Variants in ERCC6L observed in about 807,000 individuals in gnomAD.
ERCC6L encodes DNA excision repair protein ERCC-6-like.
ERCC6L carries 7 observed loss-of-function variants against 20.1 expected under a neutral mutation model. The observed-to-expected ratio is 0.35, with a 90% CI of 0.20 to 0.65. The LOEUF is 0.65. ERCC6L is among the 30% of genes least tolerant of loss of function. The pLI is 0.69. For missense variants in ERCC6L, 592 were observed against 892.4 expected, an observed-to-expected ratio of 0.66 and a Z score of 4.29; for synonymous variants, 278 against 331.3, an observed-to-expected ratio of 0.84 and a Z score of 1.75.
chrX:72,232,416 CA>C (rs11302655), intron 1 of ERCC6L, among the ~76,000 whole-genome samples: 13,360 of 34,884 alleles, frequency 0.38, 1,674 homozygotes, highest in East Asian at 0.84. Context: ...AGACCTGCCT[CA>C]AAAAAAAAAA....
At chrX:72,223,400 C>T (rs375726424) in intron 1 of ERCC6L, among the ~76,000 whole-genome samples, 4 of 104,670 alleles carry the variant, frequency 3.8e-5, no homozygotes, top group African/African-American at 1.4e-4. Context: ...CTCCTAAATG[C>T]GGCCTTTGGA....
intron 1 of ERCC6L, among the ~76,000 whole-genome samples, chrX:72,226,416 T>C (rs1210589277): frequency 1.8e-5 from 2 of 112,164 alleles, no homozygotes; most frequent in African/African-American, 6.5e-5. Context: ...TTATTTGCCC[T>C]AATAAGAGCA....
chrX:72,219,805 C>T (rs775035216), intron 1 of ERCC6L, among the ~76,000 whole-genome samples: 57 of 106,178 alleles, frequency 5.4e-4, no homozygotes, highest in Middle Eastern at 4.7e-3. Flanking sequence ...GTCAAGGTTG[C>T]GCCACTGCAC....
intron 1 of ERCC6L, among the ~76,000 whole-genome samples, chrX:72,229,751 C>A (rs2042972943): frequency 9.0e-6 from 1 of 111,698 alleles, no homozygotes; most frequent in Admixed American, 9.6e-5. Flanking sequence ...GAAGGGCCAT[C>A]CATGTCATTC....
In ERCC6L at chrX:72,208,273, A is replaced by G. The variant is rs1318679855; in HGVS notation, c.494T>C (p.Ile165Thr). 1 of 1,211,883 alleles carries G rather than the reference A, an allele frequency of 8.3e-7. No homozygotes were observed. Among genetic ancestry groups the G allele is most frequent in the Non-Finnish European group, 1.1e-6 (1 of 895,546 alleles). The change falls in exon 2 of 2, where the codon ATC (isoleucine) becomes ACC (threonine). Residue 165 changes from isoleucine to threonine, a missense_variant. This residue lies in a region of ERCC6L where 196 missense variants were observed against 440.1 expected (regional missense o/e 0.45). Transcript: ENST00000334463. ...GACTCTCATTCCTGGAGTCCACTTG[A>G]TGAATTCTTTTACCCATGTGTTAAT... is the stretch of plus-strand genomic sequence containing the variant. Reference protein sequence around the residue: ...NLINTWVKEFIKWTPGMRVKT... With the variant: ...NLINTWVKEFTKWTPGMRVKT...
intron 1 of ERCC6L, among the ~76,000 whole-genome samples, chrX:72,213,519 C>G (rs944491005): frequency 2.7e-5 from 3 of 111,709 alleles, no homozygotes; most frequent in Non-Finnish European, 3.8e-5. Flanking sequence ...TGTTACGGCT[C>G]GAGCTGAGCT....
intron 1 of ERCC6L, among the ~76,000 whole-genome samples, chrX:72,223,947 G>T (rs1602447272): frequency 9.0e-6 from 1 of 110,824 alleles, no homozygotes; most frequent in African/African-American, 3.3e-5. Context: ...CTGGAAAATG[G>T]ACTGTGCCCA....
chrX:72,212,275 A>G (rs192928132), intron 1 of ERCC6L, among the ~76,000 whole-genome samples: 2 of 109,556 alleles, frequency 1.8e-5, no homozygotes, highest in African/African-American at 6.7e-5. Flanking sequence ...ATCTCAAAAA[A>G]AATAATAATA....
chrX:72,227,429 G>A (rs1225597883), intron 1 of ERCC6L, among the ~76,000 whole-genome samples: 1 of 111,618 alleles, frequency 9.0e-6, no homozygotes, highest in Admixed American at 9.5e-5. Flanking sequence ...TTAAAGACTG[G>A]GTTACACTTT....
Position 72,207,089 on chromosome X carries a change from G to A in ERCC6L, c.1678C>T (p.Pro560Ser). The change falls in exon 2 of 2, where the codon CCT becomes TCT. Residue 560 changes from proline to serine, a missense_variant. Pro to Ser is a moderately conservative substitution (Grantham distance 74). This residue lies in a region of ERCC6L where 196 missense variants were observed against 440.1 expected (regional missense o/e 0.45). Coordinates refer to ENST00000334463, the MANE Select transcript of ERCC6L (RefSeq NM_017669.4). ...RVVIFDPSWN[P>S]ATDAQAVDRV... ...TCCACAGCTTGAGCATCAGTTGCAG[G>A]ATTCCAGCTAGGGTCAAAAATGACC... The A allele has an allele frequency of 8.3e-7, 1 of 1,211,678 alleles. No homozygotes were observed.
chrX:72,205,518 T>C lies in ERCC6L; in HGVS notation c.3249A>G (p.Val1083=). The C allele has an allele frequency of 8.3e-7, 1 of 1,211,828 alleles. No homozygotes were observed. Residue 1083 remains valine (V), a synonymous_variant, in exon 2 of 2, where the codon GTA becomes GTG. Coordinates refer to ENST00000334463, the MANE Select transcript of ERCC6L (RefSeq NM_017669.4). ...RFFSSQIPSS[V]NKSMNSRRSL... ...ATCTTCTAGAGTTCATAGACTTATT[T>C]ACACTACTGGGTATTTGAGATGAAA...
At chrX:72,208,822 A>G (rs1215569797) in intron 1 of ERCC6L, 124 bp from the exon 2 acceptor site, 1 of 554,009 alleles carries the variant, frequency 1.8e-6, no homozygotes, top group Non-Finnish European at 2.8e-6. Context: ...TCAGGATGGG[A>G]AAGATTAGCA....
rs1261100793 is a variant in ERCC6L, at chrX:72,207,475, G to C, written c.1292C>G (p.Ser431Cys). Residue 431 changes from serine (S) to cysteine (C), a missense_variant, in exon 2 of 2, where the codon TCT becomes TGT. By Grantham distance (112) the Ser-to-Cys change is moderately radical. This residue lies in a region of ERCC6L where 196 missense variants were observed against 440.1 expected (regional missense o/e 0.45). Transcript: ENST00000334463. ...ACCLLNLGTF[S>C]AQDGNEGEDS... is the part of the protein sequence containing the mutation. ...TTCCCCCTCATTTCCATCTTGAGCA[G>C]AGAATGTCCCAAGATTTAGCAAACA... The C allele has an allele frequency of 8.3e-7, 1 of 1,208,502 alleles. No individual in the cohort carries two copies. The highest frequency in any genetic ancestry group is 1.8e-5 in the African/African-American group (1 of 57,020).
chrX:72,207,056 A>G lies in ERCC6L; in HGVS notation c.1711T>C (p.Tyr571His), dbSNP rs777793094. ...ACATTCTCTTTTTGTCCAATTCGGT[A>G]AACTCTATCCACAGCTTGAGCATCA... The part of the protein sequence containing the change: ...ATDAQAVDRV[Y>H]RIGQKENVVV... Residue 571 changes from tyrosine to histidine, a missense_variant, in exon 2 of 2, where the codon TAC (tyrosine) becomes CAC (histidine). By Grantham distance (83) the Tyr-to-His change is moderately conservative (BLOSUM62 2). Coordinates refer to ENST00000334463, the MANE Select transcript of ERCC6L (RefSeq NM_017669.4). The G allele has an allele frequency of 2.5e-6, 3 of 1,211,886 alleles. No individual in the cohort carries two copies. The highest frequency in any genetic ancestry group is 3.3e-6 in the Non-Finnish European group (3 of 895,579).
chrX:72,220,256 T>C (rs2042915334), intron 1 of ERCC6L, among the ~76,000 whole-genome samples: 1 of 111,196 alleles, frequency 9.0e-6, no homozygotes, highest in Non-Finnish European at 1.9e-5. Flanking sequence ...AAAAATGTAA[T>C]AATCATCAAA....
intron 1 of ERCC6L, among the ~76,000 whole-genome samples, chrX:72,219,721 C>T (rs760958939): frequency 5.5e-5 from 6 of 108,455 alleles, no homozygotes; most frequent in East Asian, 3.0e-4. Context: ...TGGTGGTGCA[C>T]GCCTGTCATC....
At position 72,206,611 on chromosome X, in the gene ERCC6L, A is replaced by C; in HGVS notation, c.2156T>G (p.Met719Arg). The C allele has an allele frequency of 2.5e-6, 3 of 1,211,428 alleles. No homozygotes were observed. Among genetic ancestry groups the C allele is most frequent in the East Asian group, 3.0e-5 (1 of 33,850 alleles). Reference protein sequence around the residue: ...EFESQNKEFLMEQQRTRNEGA... With the variant: ...EFESQNKEFLREQQRTRNEGA... ...CTCATTTCTAGTTCTTTGTTGTTCCATCAGGAACTCTTTATTTTGAGACTC... is the reference window on the plus strand; with the variant it reads ...CTCATTTCTAGTTCTTTGTTGTTCCCTCAGGAACTCTTTATTTTGAGACTC... Residue 719 changes from methionine to arginine, a missense_variant, in exon 2 of 2, where the codon ATG (methionine) becomes AGG (arginine). By Grantham distance (91) the Met-to-Arg change is moderately conservative. Around this residue, in one of 3 missense-constraint regions of ERCC6L, gnomAD observed 352 missense variants for 402.6 expected, o/e 0.87. Coordinates refer to ENST00000334463, the MANE Select transcript of ERCC6L (RefSeq NM_017669.4).
intron 1 of ERCC6L, among the ~76,000 whole-genome samples, chrX:72,230,979 C>A (rs2042980111): frequency 9.0e-6 from 1 of 111,678 alleles, no homozygotes; most frequent in African/African-American, 3.3e-5. Context: ...TAAATAAATA[C>A]ATACATAAGT....
chrX:72,235,365 C>T (rs1462370223), intron 1 of ERCC6L, among the ~76,000 whole-genome samples: 14 of 106,732 alleles, frequency 1.3e-4, no homozygotes, highest in African/African-American at 4.8e-4. Context: ...TCACTATGAC[C>T]TCCTCTTCTG....
Sources: gnomAD v4.1 joint callset for allele counts (sites outside exome capture counted in the v4.1 genomes callset) on GRCh38, gnomAD v4.1.1 for gene constraint, gnomAD v4.1.1 regional missense constraint, MANE v1.5 for transcripts, NCBI Gene and HGNC (gene_info 2026-07-23, HGNC 2026-07-21) for gene names.